The following PLA2G4C variants were observed in gnomAD, a reference collection of about 807,000 sequenced individuals.
The protein encoded by PLA2G4C is phospholipase A2 group IVC.
A neutral mutation model predicts 73.8 loss-of-function variants in PLA2G4C; 64 were observed. That is an observed-to-expected ratio of 0.87 (90% CI 0.71 to 1.07). The LOEUF (loss-of-function observed/expected upper bound fraction) is 1.07, where lower values mean the gene tolerates loss of function less well. PLA2G4C is among the 50% of genes least tolerant of loss of function. The probability of loss-of-function intolerance (pLI) is 0.00; values close to 1 mark genes in which losing one functional copy is unlikely to be tolerated. For synonymous variants in PLA2G4C, 254 were observed against 252.1 expected, an observed-to-expected ratio of 1.01 and a Z score of -0.07; for missense variants, 622 against 665.4, an observed-to-expected ratio of 0.93 and a Z score of 0.72.
chr19:48,109,194 C>T (rs377304296), intron 1 of PLA2G4C, among the ~76,000 whole-genome samples: 1 of 147,500 alleles, frequency 6.8e-6, no homozygotes, highest in Non-Finnish European at 1.5e-5. Flanking sequence ...AGCTTCCCCC[C>T]ACCACCTCCA....
rs1967691335 is a variant in PLA2G4C, at chr19:48,050,673, C to CTTTTTTTTTGTTTTTTTTTTTTTT, written c.1581-2286_1581-2285insAAAAAAAAAAAAAACAAAAAAAAA. Reference sequence around the variant, plus strand: ...ATCCCTAGAGCCTGTGAGTATGTGACTTTTTTTTTTTTTTTTTTTGAGACA... The same window carrying CTTTTTTTTTGTTTTTTTTTTTTTT: ...ATCCCTAGAGCCTGTGAGTATGTGACTTTTTTTTTGTTTTTTTTTTTTTTTTTTTTTTTTTTTTTTTTTGAGACA... On this transcript the variant is annotated intron_variant, in intron 16 of 16. Transcript: ENST00000599921. Among the ~76,000 whole-genome samples the CTTTTTTTTTGTTTTTTTTTTTTTT allele has an allele frequency of 2.5e-5, 2 of 78,746 alleles. 1 individual carries two copies. The highest frequency in any genetic ancestry group is 8.7e-5 in the African/African-American group (2 of 23,108). 51.7% of individuals were successfully genotyped at this position (78,746 alleles called of 152,430 possible).
intron 7 of PLA2G4C, among the ~76,000 whole-genome samples, chr19:48,091,256 G>T (rs2031279590): frequency 6.6e-6 from 1 of 151,970 alleles, no homozygotes; most frequent in Non-Finnish European, 1.5e-5. Context: ...TGTGATCTCG[G>T]CTCACTGCAA....
At chr19:48,066,089 A>AAG (rs919826079) in intron 13 of PLA2G4C, among the ~76,000 whole-genome samples, 10 of 137,984 alleles carry the variant, frequency 7.2e-5, no homozygotes, top group African/African-American at 2.8e-4. Flanking sequence ...CTCCATCTCA[A>AAG]AAAAAAAAAA....
chr19:48,082,034 T>C (rs1421881910), intron 10 of PLA2G4C, among the ~76,000 whole-genome samples: 2 of 152,066 alleles, frequency 1.3e-5, no homozygotes, highest in East Asian at 3.9e-4. Context: ...TGAGACGAGA[T>C]CTTGCTACTG....
rs549269811 is a variant in PLA2G4C at position 48,102,319 on chromosome 19, C to T, written c.257+2269G>A. Among the ~76,000 whole-genome samples the T allele has an allele frequency of 7.3e-5, 11 of 151,706 alleles. No homozygotes were observed. The South Asian group carries it at 8.5e-4, about 12-fold the overall frequency. On this transcript the variant is annotated intron_variant, in intron 4 of 16. Transcript: ENST00000599921. ...CAGCCTGGCCAACACGGGGAAACTCCGTCTCTACTAAAAATACAAAAATTA... is the reference window on the plus strand; with the variant it reads ...CAGCCTGGCCAACACGGGGAAACTCTGTCTCTACTAAAAATACAAAAATTA...
At chr19:48,071,295 C>T (rs989738628) in intron 12 of PLA2G4C, among the ~76,000 whole-genome samples, 1 of 81,746 alleles carries the variant, frequency 1.2e-5, no homozygotes, top group African/African-American at 3.6e-5. Flanking sequence ...CTCCATACTT[C>T]TTCTTTTTTT....
intron 8 of PLA2G4C, among the ~76,000 whole-genome samples, chr19:48,089,154 G>A (rs948518600): frequency 1.5e-4 from 23 of 152,252 alleles, no homozygotes; most frequent in East Asian, 3.9e-4. Context: ...CAGCCCGGGC[G>A]TGGTGGTTTA....
chr19:48,050,342 G>A (rs1008781077), intron 16 of PLA2G4C, among the ~76,000 whole-genome samples: 1 of 152,142 alleles, frequency 6.6e-6, no homozygotes, highest in Non-Finnish European at 1.5e-5. Flanking sequence ...AACTCTCTGG[G>A]GAACATAGAC....
At chr19:48,067,929 T>A in intron 12 of PLA2G4C, 43 bp from the exon 13 acceptor site, 1 of 1,389,214 alleles carries the variant, frequency 7.2e-7, no homozygotes, top group Non-Finnish European at 1.0e-6. Context: ...TTCAGGAGAC[T>A]GAGTGGTTTC....
intron 14 of PLA2G4C, among the ~76,000 whole-genome samples, chr19:48,058,525 A>C (rs1968046664): frequency 6.6e-6 from 1 of 152,058 alleles, no homozygotes; most frequent in African/African-American, 2.4e-5. Context: ...CCTTCTAAAG[A>C]TTTGACATTC....
intron 6 of PLA2G4C, among the ~76,000 whole-genome samples, chr19:48,095,923 C>T (rs544142413): frequency 2.6e-4 from 40 of 152,224 alleles, no homozygotes; most frequent in African/African-American, 9.4e-4. Flanking sequence ...TGTAGCCACA[C>T]GATTGCATGG....
intron 11 of PLA2G4C, among the ~76,000 whole-genome samples, chr19:48,076,894 AG>A (rs1182146244): frequency 6.6e-6 from 1 of 152,202 alleles, no homozygotes; most frequent in African/African-American, 2.4e-5. Flanking sequence ...TTGTGTCTTA[AG>A]CTATAGCAAT....
At chr19:48,093,869 G>T (rs1259984652) in intron 7 of PLA2G4C, among the ~76,000 whole-genome samples, 1 of 152,128 alleles carries the variant, frequency 6.6e-6, no homozygotes, top group East Asian at 1.9e-4. Flanking sequence ...GAGATCTGAT[G>T]GTTTGATAAG....
intron 8 of PLA2G4C, among the ~76,000 whole-genome samples, chr19:48,089,509 G>A (rs79817152): frequency 0.077 from 11,785 of 152,176 alleles, 850 homozygotes; most frequent in African/African-American, 0.19. Context: ...AATGAATGAC[G>A]AGTGGTTTAG....
chr19:48,103,631 G>A (rs932814299), intron 4 of PLA2G4C, among the ~76,000 whole-genome samples: 4 of 152,174 alleles, frequency 2.6e-5, no homozygotes, highest in Non-Finnish European at 4.4e-5. Context: ...GCAGACATGA[G>A]TGTTTCATAC....
chr19:48,110,420 A>G, intron 1 of PLA2G4C, 67 bp downstream of exon 1: 1 of 1,047,758 alleles, frequency 9.5e-7, no homozygotes, highest in Non-Finnish European at 1.3e-6. Flanking sequence ...AATTGCACCC[A>G]ATCCCTGGTA....
At chr19:48,081,651 C>T (rs8113526) in intron 10 of PLA2G4C, among the ~76,000 whole-genome samples, 39,294 of 151,732 alleles carry the variant, frequency 0.26, 5,640 homozygotes, top group East Asian at 0.52. Context: ...CCCAGCTACT[C>T]GGGAGGTTGA....
chr19:48,062,989 G>A (rs1364575978), intron 13 of PLA2G4C, among the ~76,000 whole-genome samples: 2 of 152,100 alleles, frequency 1.3e-5, no homozygotes, highest in African/African-American at 4.8e-5. Flanking sequence ...TGGAAAGGTG[G>A]GACAACTCAA....
At chr19:48,063,470 T>C (rs908780926) in intron 13 of PLA2G4C, among the ~76,000 whole-genome samples, 1 of 152,156 alleles carries the variant, frequency 6.6e-6, no homozygotes, top group African/African-American at 2.4e-5. Context: ...AGCTTGACTT[T>C]TCCCTTTAAC....
Sources: allele counts gnomAD v4.1 joint callset (sites outside exome capture counted in the v4.1 genomes callset), GRCh38; gene constraint gnomAD v4.1.1; transcripts MANE v1.5; gene names NCBI Gene and HGNC (gene_info 2026-07-23, HGNC 2026-07-21).